The following CDH9 variants were observed in gnomAD, a reference collection of about 807,000 sequenced individuals.
The protein encoded by CDH9 is cadherin 9, also known as cadherin-9.
In CDH9, 28 loss-of-function variants were observed where a neutral mutation model predicts 70.9. The ratio of observed to expected loss-of-function variants is 0.40; its 90% CI spans 0.29 to 0.54. The LOEUF is 0.54. Among genes scored for constraint, CDH9 ranks in the 20% least tolerant of loss-of-function variants. The pLI is 0.59. For missense variants in CDH9, 874 were observed against 984.4 expected (o/e 0.89, Z 1.50); for synonymous variants, 409 against 343.1 (o/e 1.19, Z -2.12).
At chr5:26,909,169 T>C (rs1428746863) in intron 3 of CDH9, among the ~76,000 whole-genome samples, 1 of 152,038 alleles carries the variant, frequency 6.6e-6, no homozygotes, top group Non-Finnish European at 1.5e-5. Flanking sequence ...GTATTTTTAG[T>C]AGAGACGGGG....
At position 26,988,098 on chromosome 5, in the gene CDH9, A is replaced by G. The variant is rs1457352738; in HGVS notation, c.228+8T>C. On this transcript the variant is annotated splice_region_variant and intron_variant, in intron 2 of 11. Transcript: ENST00000231021. ...CAGCTTTTAGATTTCTCATACAAAAATTCTTACCTTGCCTACATATTGTGT... is the reference window on the plus strand; with the variant it reads ...CAGCTTTTAGATTTCTCATACAAAAGTTCTTACCTTGCCTACATATTGTGT... 6.3e-7 allele frequency: 1 copy of G among 1,587,092 alleles called. No homozygotes were observed. The highest frequency in any genetic ancestry group is 8.6e-7 in the Non-Finnish European group (1 of 1,160,504).
intron 2 of CDH9, among the ~76,000 whole-genome samples, chr5:26,974,167 C>G (rs1403300980): frequency 6.6e-6 from 1 of 152,094 alleles, no homozygotes; most frequent in East Asian, 1.9e-4. Context: ...TCGCTTGAAC[C>G]TGGGAGACAG....
intron 1 of CDH9, among the ~76,000 whole-genome samples, chr5:27,038,153 A>T (rs1743425974): frequency 6.6e-6 from 1 of 151,958 alleles, no homozygotes; most frequent in African/African-American, 2.4e-5. Context: ...CAACTGATAC[A>T]ATTTTAAGTT....
chr5:26,975,940 G>A (rs1188035326), intron 2 of CDH9, among the ~76,000 whole-genome samples: 1 of 152,148 alleles, frequency 6.6e-6, no homozygotes, highest in Non-Finnish European at 1.5e-5. Flanking sequence ...GAAATTGGAA[G>A]GCACGATCTT....
chr5:26,936,657 A>G (rs1741563593), intron 2 of CDH9, among the ~76,000 whole-genome samples: 1 of 152,190 alleles, frequency 6.6e-6, no homozygotes, highest in East Asian at 1.9e-4. Flanking sequence ...ATAAAAATAC[A>G]GTAATCAAGA....
intron 1 of CDH9, among the ~76,000 whole-genome samples, chr5:27,022,731 A>C (rs16896464): frequency 0.017 from 2,596 of 152,148 alleles, 68 homozygotes; most frequent in African/African-American, 0.059. Context: ...TCTAAACCAC[A>C]TTCTTTTTAT....
At chr5:26,921,903 G>A (rs1200627061) in intron 2 of CDH9, among the ~76,000 whole-genome samples, 1 of 151,782 alleles carries the variant, frequency 6.6e-6, no homozygotes, top group African/African-American at 2.4e-5. Flanking sequence ...GAATCAAGCA[G>A]AAATTCTGGA....
chr5:26,973,405 A>G (rs1025408760), intron 2 of CDH9, among the ~76,000 whole-genome samples: 3 of 151,978 alleles, frequency 2.0e-5, no homozygotes, highest in African/African-American at 7.2e-5. Context: ...TTTGTACATT[A>G]GCTTACAATC....
intron 7 of CDH9, among the ~76,000 whole-genome samples, chr5:26,895,643 C>T (rs1342471176): frequency 2.0e-5 from 3 of 151,946 alleles, no homozygotes; most frequent in Non-Finnish European, 2.9e-5. Context: ...TTTGGAGATT[C>T]GTGATTACTA....
chr5:27,019,557 GGTAAT>G (rs1743101790), intron 1 of CDH9, among the ~76,000 whole-genome samples: 1 of 151,728 alleles, frequency 6.6e-6, no homozygotes, highest in African/African-American at 2.4e-5. Flanking sequence ...AGCAGGTTGA[GGTAAT>G]GTAATTGTTA....
Position 26,893,557 on chromosome 5 carries a change from T to A in CDH9, c.1254-2993A>T, listed in dbSNP as rs548190920. The stretch of plus-strand genomic sequence containing the variant: ...AATTTAGGCACTTAAAATACACTCA[T>A]TTGACATATGATTGCTGCCCAAGAG... On this transcript the variant is annotated intron_variant, in intron 7 of 11. Coordinates refer to ENST00000231021, the MANE Select transcript of CDH9 (RefSeq NM_016279.4). 1.4e-4 allele frequency among the ~76,000 whole-genome samples: 22 copies of A among 152,242 alleles called. No homozygotes were observed. The South Asian group carries it at 3.5e-3, about 24-fold the overall frequency.
chr5:26,905,915 A>G, intron 5 of CDH9, 44 bp downstream of exon 5: 1 of 1,473,286 alleles, frequency 6.8e-7, no homozygotes, highest in Non-Finnish European at 9.5e-7. Context: ...CTACTAGTGT[A>G]TTTGAGAAGT....
chr5:26,968,198 G>A (rs13357357), intron 2 of CDH9, among the ~76,000 whole-genome samples: 4,950 of 152,200 alleles, frequency 0.033, 275 homozygotes, highest in African/African-American at 0.11. Context: ...TGTTACTAAA[G>A]TATATACAGA....
intron 2 of CDH9, among the ~76,000 whole-genome samples, chr5:26,974,258 G>A (rs1280392253): frequency 6.6e-6 from 1 of 151,752 alleles, no homozygotes; most frequent in East Asian, 1.9e-4. Context: ...TAATAGAAAA[G>A]AAAGAAGTTA....
In CDH9 at chr5:26,954,388, C is replaced by CTTTTT. The variant is rs59882843; in HGVS notation, c.228+33713_228+33717dup. The stretch of plus-strand genomic sequence containing the variant: ...AGCTTTTCGCTATTATACAGCCTTT[C>CTTTTT]TTTTTTTTTTTTTTGAGACATAGTC... On this transcript the variant is annotated intron_variant, in intron 2 of 11. Transcript: ENST00000231021. Among the ~76,000 whole-genome samples, 2 of 93,066 alleles carry CTTTTT rather than the reference C, an allele frequency of 2.1e-5. 1 individual carries two copies. The highest frequency in any genetic ancestry group is 9.4e-5 in the African/African-American group (2 of 21,252). 61.1% of individuals were successfully genotyped at this position (93,066 alleles called of 152,430 possible). A position where few individuals can be genotyped will look rare whatever the true frequency, so the allele number is the denominator to read the frequency against.
intron 8 of CDH9, 37 bp downstream of exon 8, chr5:26,890,391 A>G (rs373897251): frequency 1.9e-5 from 30 of 1,589,854 alleles, no homozygotes; most frequent in South Asian, 7.7e-5. Context: ...ACTTTGATGA[A>G]AGACAGTGTC....
chr5:26,882,191 C>G (rs1015740967), intron 11 of CDH9, among the ~76,000 whole-genome samples: 1 of 151,962 alleles, frequency 6.6e-6, no homozygotes, highest in Non-Finnish European at 1.5e-5. Flanking sequence ...AATTCCTTTA[C>G]TGGTCTAATT....
chr5:26,913,789 G>A (rs1467909116), intron 3 of CDH9, among the ~76,000 whole-genome samples: 2 of 147,972 alleles, frequency 1.4e-5, no homozygotes, highest in African/African-American at 4.9e-5. Flanking sequence ...GTGTGTGTGT[G>A]TGTGCATATT....
rs1237604882 is a variant in CDH9, at chr5:26,881,208, G to T, written c.2298C>A (p.Tyr766Ter). ...TGAAACGAGGCCCCCAGTCACTGAGGTAATCATAATCTTGGTTACAATCAG... is the reference window on the plus strand; with the variant it reads ...TGAAACGAGGCCCCCAGTCACTGAGTTAATCATAATCTTGGTTACAATCAG... ...LTADCNQDYD[Y>*]LSDWGPRFKK... Residue 766 changes from tyrosine to a stop codon, truncating the protein, a stop_gained, in exon 12 of 12, where the codon TAC (tyrosine) becomes TAA (stop). Transcript: ENST00000231021. LOFTEE classifies it high-confidence loss of function. The T allele has an allele frequency of 6.2e-7, 1 of 1,613,014 alleles. No individual in the cohort carries two copies. The highest frequency in any genetic ancestry group is 8.5e-7 in the Non-Finnish European group (1 of 1,179,200).
Sources: gnomAD v4.1 joint callset for allele counts (sites outside exome capture counted in the v4.1 genomes callset) on GRCh38, gnomAD v4.1.1 for gene constraint, MANE v1.5 for transcripts, NCBI Gene and HGNC (gene_info 2026-07-23, HGNC 2026-07-21) for gene names.